The following RARB variants were observed in gnomAD, a reference collection of about 807,000 sequenced individuals.
RARB encodes HBV-activated protein.
RARB carries 17 observed loss-of-function variants against 51.9 expected under a neutral mutation model. The observed-to-expected ratio is 0.33, with a 90% CI of 0.22 to 0.49. The LOEUF is 0.49. Ranked by LOEUF, RARB falls within the 20% of genes least tolerant of loss-of-function variation. The pLI, the probability that RARB is intolerant of heterozygous loss-of-function variation, is 0.99. For synonymous variants in RARB, 215 were observed against 195.4 expected (o/e 1.10, Z -0.84); for missense variants, 369 against 550.8 (o/e 0.67, Z 3.30).
rs182213699 is a variant in RARB at position 24,891,042 on chromosome 3, G to A, written c.-380+32290G>A. On this transcript the variant is annotated intron_variant, in intron 2 of 11. Coordinates refer to the RARB transcript ENST00000383772. ...AAGTAGCACCAAGGATAACATACAT[G>A]TGGAAAAGCTCAGTGCGTTTCAGTC... 2.3e-3 allele frequency among the ~76,000 whole-genome samples: 350 copies of A among 152,282 alleles called. 2 individuals are homozygous for A. The highest frequency in any genetic ancestry group is 8.2e-3 in the African/African-American group (340 of 41,552).
chr3:25,209,606 C>T (rs1294175564), intron 5 of RARB, among the ~76,000 whole-genome samples: 1 of 152,174 alleles, frequency 6.6e-6, no homozygotes, highest in African/African-American at 2.4e-5. Context: ...GCTCTTTCAC[C>T]CTTCTTAGCT....
intron 3 of RARB, among the ~76,000 whole-genome samples, chr3:25,519,137 T>C (rs1386913631): frequency 6.6e-6 from 1 of 152,182 alleles, no homozygotes; most frequent in Non-Finnish European, 1.5e-5. Context: ...TGTTACTGAG[T>C]AGCATTCTAT....
chr3:25,200,468 T>G (rs1006902189), intron 5 of RARB, among the ~76,000 whole-genome samples: 1 of 152,216 alleles, frequency 6.6e-6, no homozygotes, highest in South Asian at 2.1e-4. Flanking sequence ...TTGTCAATTT[T>G]GGCTTTTGTT....
intron 5 of RARB, among the ~76,000 whole-genome samples, chr3:25,331,523 G>T (rs1172287114): frequency 6.6e-6 from 1 of 152,200 alleles, no homozygotes; most frequent in Admixed American, 6.5e-5. Context: ...CACATGTAAA[G>T]CAGTGTGTAG....
intron 2 of RARB, among the ~76,000 whole-genome samples, chr3:25,039,479 A>T (rs1251704855): frequency 6.6e-6 from 1 of 152,184 alleles, no homozygotes; most frequent in African/African-American, 2.4e-5. Context: ...AGTATCTCAA[A>T]TGTCCCAAGA....
In RARB at chr3:24,894,995, G is replaced by A. The variant is rs184816319; in HGVS notation, c.-380+36243G>A. On this transcript the variant is annotated intron_variant, in intron 2 of 11. Transcript: ENST00000383772. The stretch of plus-strand genomic sequence containing the variant: ...GAAAAACCTTTGCTTTAGCCAGGGA[G>A]ATGTACTTAATTTATTCAATAGATT... Among the ~76,000 whole-genome samples, 417 of 152,318 alleles carry A rather than the reference G, an allele frequency of 2.7e-3. 3 individuals are homozygous for A. The highest frequency in any genetic ancestry group is 9.3e-3 in the African/African-American group (387 of 41,572).
intron 1 of RARB, among the ~76,000 whole-genome samples, chr3:25,453,243 C>CTT (rs758275411): frequency 2.1e-3 from 172 of 81,954 alleles, no homozygotes; most frequent in African/African-American, 3.4e-3. Context: ...CAAGATTCTG[C>CTT]TTTTTTTTTT....
chr3:25,376,593 C>T (rs1343946682), intron 5 of RARB, among the ~76,000 whole-genome samples: 1 of 152,162 alleles, frequency 6.6e-6, no homozygotes, highest in Non-Finnish European at 1.5e-5. Flanking sequence ...TAAAAGTGCA[C>T]CTACCTACAC....
At chr3:25,051,263 G>C (rs1415921765) in intron 2 of RARB, among the ~76,000 whole-genome samples, 1 of 152,088 alleles carries the variant, frequency 6.6e-6, no homozygotes, top group East Asian at 1.9e-4. Flanking sequence ...TATGGGGGAG[G>C]AATAGAAACG....
At chr3:25,308,435 G>C (rs1020349832) in intron 5 of RARB, among the ~76,000 whole-genome samples, 1 of 145,734 alleles carries the variant, frequency 6.9e-6, no homozygotes, top group Non-Finnish European at 1.5e-5. Flanking sequence ...TCCCTGACTG[G>C]TTTTCTTTCT....
intron 5 of RARB, among the ~76,000 whole-genome samples, chr3:25,376,446 A>C (rs968091405): frequency 1.3e-5 from 2 of 152,212 alleles, no homozygotes; most frequent in African/African-American, 4.8e-5. Flanking sequence ...TTATGGCCCC[A>C]GATACAACCT....
intron 1 of RARB, among the ~76,000 whole-genome samples, chr3:25,429,217 T>G (rs1416628729): frequency 6.6e-6 from 1 of 152,148 alleles, no homozygotes; most frequent in Non-Finnish European, 1.5e-5. Flanking sequence ...ATTCTTCAAG[T>G]AGGGCAATTT....
upstream of RARB, chr3:25,428,123 T>G: frequency 1.2e-6 from 1 of 817,394 alleles, no homozygotes; most frequent in Non-Finnish European, 1.6e-6. Flanking sequence ...TTTGCAGGGC[T>G]GCTGGGAGTT....
intron 5 of RARB, among the ~76,000 whole-genome samples, chr3:25,403,316 T>C (rs1707316395): frequency 6.6e-6 from 1 of 152,184 alleles, no homozygotes; most frequent in Admixed American, 6.5e-5. Flanking sequence ...GATACCCCAT[T>C]CTCCATTATG....
At chr3:25,312,104 T>A (rs1049436160) in intron 5 of RARB, among the ~76,000 whole-genome samples, 5 of 152,180 alleles carry the variant, frequency 3.3e-5, no homozygotes, top group Admixed American at 2.0e-4. Flanking sequence ...ATGAACTTAT[T>A]GACTACAAGG....
intron 5 of RARB, among the ~76,000 whole-genome samples, chr3:25,336,917 G>T (rs956782613): frequency 6.6e-6 from 1 of 152,154 alleles, no homozygotes; most frequent in African/African-American, 2.4e-5. Context: ...TGAGGCTTAA[G>T]GGAGGAAAGA....
chr3:25,092,393 C>T, intron 3 of RARB, among the ~76,000 whole-genome samples: 1 of 152,058 alleles, frequency 6.6e-6, no homozygotes, highest in East Asian at 1.9e-4. Flanking sequence ...AAACCTCTTT[C>T]CATATAAAGT....
At chr3:24,948,698 G>A (rs188621151) in intron 2 of RARB, among the ~76,000 whole-genome samples, 1 of 152,228 alleles carries the variant, frequency 6.6e-6, no homozygotes, top group East Asian at 1.9e-4. Flanking sequence ...TTGGATCGTG[G>A]GGGCAGATCC....
At position 25,584,814 on chromosome 3, in the gene RARB, A is replaced by G. The variant is rs529824825; in HGVS notation, c.786+4092A>G. ...TATTGGTTGAAGTCATGATTCTCAC[A>G]TGTATTTACTGAGCACTTACCTCGT... On this transcript the variant is annotated intron_variant, in intron 5 of 7. Transcript: ENST00000330688. 4.6e-5 allele frequency among the ~76,000 whole-genome samples: 7 copies of G among 152,274 alleles called. No individual in the cohort carries two copies. In the South Asian group the frequency reaches 1.2e-3, roughly 27 times the overall value.
Sources: allele counts gnomAD v4.1 joint callset (sites outside exome capture counted in the v4.1 genomes callset), GRCh38; gene constraint gnomAD v4.1.1; transcripts MANE v1.5; gene names NCBI Gene and HGNC (gene_info 2026-07-23, HGNC 2026-07-21).